CHD2: variants seen among roughly 807,000 people sequenced by gnomAD.
The protein encoded by CHD2 is ATP-dependent chromatin remodeler CHD2.
In CHD2, 28 loss-of-function variants were observed where a neutral mutation model predicts 243.9. The observed-to-expected ratio is 0.11, with a 90% CI of 0.09 to 0.16. The LOEUF (loss-of-function observed/expected upper bound fraction) is 0.16, where lower values mean the gene tolerates loss of function less well. Ranked by LOEUF, CHD2 falls within the 10% of genes least tolerant of loss-of-function variation. The pLI is 1.00. For missense variants in CHD2, 1,386 were observed against 2,209.8 expected (o/e 0.63, Z 7.47); for synonymous variants, 775 against 779.0 (o/e 0.99, Z 0.09).
chr15:92,922,140 G>A (rs958427435), intron 2 of CHD2, among the ~76,000 whole-genome samples: 1 of 152,046 alleles, frequency 6.6e-6, no homozygotes, highest in African/African-American at 2.4e-5. Context: ...TAATCTTTTG[G>A]CCCCCTATGG....
chr15:93,018,283 C>T (rs1233196893), intron 37 of CHD2, among the ~76,000 whole-genome samples: 1 of 152,214 alleles, frequency 6.6e-6, no homozygotes, highest in East Asian at 1.9e-4. Context: ...GTGCTCTCAT[C>T]TGATCTACCC....
Position 92,998,396 on chromosome 15 carries a change from G to A in CHD2, c.3886-103G>A, listed in dbSNP as rs1165025139. 1.3e-6 allele frequency: 2 copies of A among 1,513,700 alleles called. No individual in the cohort carries two copies. The highest frequency in any genetic ancestry group is 1.3e-5 in the South Asian group (1 of 78,452). 93.8% of individuals were successfully genotyped at this position (1,513,700 alleles called of 1,614,324 possible). ...GCTTTATCTATATTTTGGGTGGTTG[G>A]GGAGGGAAAGGACTGTGCTCAGTTT... On this transcript the variant is annotated intron_variant, in intron 30 of 38. Coordinates refer to ENST00000394196, the MANE Select transcript of CHD2 (RefSeq NM_001271.4). The surrounding 1 kb of genome is among the most constrained non-coding windows in gnomAD (Gnocchi z 5.1).
intron 2 of CHD2, among the ~76,000 whole-genome samples, chr15:92,923,256 G>GTT (rs202075892): frequency 6.6e-6 from 1 of 151,730 alleles, no homozygotes; most frequent in Non-Finnish European, 1.5e-5. Context: ...GAGATGCTTT[G>GTT]TTTTTTTTGT....
chr15:92,900,974 T>C (rs2052520866), intron 1 of CHD2, 150 bp downstream of exon 1: 2 of 468,674 alleles, frequency 4.3e-6, no homozygotes, highest in Non-Finnish European at 3.8e-6. Flanking sequence ...AGTTTCCTTA[T>C]TGATAGTGAT....
chr15:93,003,644 A>G (rs966437945), intron 33 of CHD2, among the ~76,000 whole-genome samples: 2 of 150,144 alleles, frequency 1.3e-5, no homozygotes, highest in Non-Finnish European at 1.5e-5. Flanking sequence ...TCATGAACAT[A>G]TGACTGATAC....
At chr15:93,002,434 C>T in intron 33 of CHD2, 117 bp downstream of exon 33, 1 of 1,462,820 alleles carries the variant, frequency 6.8e-7, no homozygotes. Flanking sequence ...TGGGTATGTT[C>T]AAGAAGGATG....
intron 5 of CHD2, among the ~76,000 whole-genome samples, chr15:92,932,835 G>GCA (rs11268912): frequency 6.6e-6 from 1 of 151,846 alleles, no homozygotes; most frequent in Non-Finnish European, 1.5e-5. Context: ...TCAGCTCACT[G>GCA]TGACTCAAGT....
At position 92,942,697 on chromosome 15, in the gene CHD2, G is replaced by C. The variant is rs79123820; in HGVS notation, c.827-146G>C. ...AAATTTTTGATTGAGTCCGTTCTGT[G>C]TTGTTTGTGAGTTTGTACTTATTTC... is the stretch of plus-strand genomic sequence containing the variant. On this transcript the variant is annotated intron_variant, in intron 8 of 38. Transcript: ENST00000394196. 5.8e-3 allele frequency: 3,352 copies of C among 575,788 alleles called. 80 individuals are homozygous for C. The highest frequency in any genetic ancestry group is 0.054 in the African/African-American group (2,902 of 53,370). 35.7% of individuals were successfully genotyped at this position (575,788 alleles called of 1,614,324 possible).
At chr15:92,914,199 A>G (rs527500438) in intron 2 of CHD2, among the ~76,000 whole-genome samples, 2 of 152,324 alleles carry the variant, frequency 1.3e-5, no homozygotes, top group South Asian at 2.1e-4. Context: ...GTGTAAATAC[A>G]TTGCCCGAGG....
chr15:93,002,153 T>G, intron 32 of CHD2, 24 bp from the exon 33 acceptor site: 1 of 1,572,772 alleles, frequency 6.4e-7, no homozygotes, highest in Non-Finnish European at 8.6e-7. Context: ...TAGCAAAAAT[T>G]CATAGCCCTG....
chr15:92,994,773 T>C (rs2054166183), intron 28 of CHD2, among the ~76,000 whole-genome samples: 1 of 152,248 alleles, frequency 6.6e-6, no homozygotes, highest in Non-Finnish European at 1.5e-5. Context: ...TTTTATCTCA[T>C]AGTATCTTGT....
chr15:92,937,275 G>GA lies in CHD2; in HGVS notation c.444-237dup, dbSNP rs11369234. On this transcript the variant is annotated intron_variant, in intron 5 of 38. Coordinates refer to ENST00000394196, the MANE Select transcript of CHD2 (RefSeq NM_001271.4). ...AATCTTGTCAATAAGAGTAGTAAAT[G>GA]AAAAAAGTACATATATATCCATTTT... Among the ~76,000 whole-genome samples the GA allele has an allele frequency of 0.47, 71,982 of 151,840 alleles. 18,064 individuals are homozygous for GA. The highest frequency in any genetic ancestry group is 0.85 in the East Asian group (4,399 of 5,166).
At chr15:92,918,190 C>T (rs2052879947) in intron 2 of CHD2, among the ~76,000 whole-genome samples, 1 of 152,142 alleles carries the variant, frequency 6.6e-6, no homozygotes, top group African/African-American at 2.4e-5. Flanking sequence ...GTTTCAAAGT[C>T]CAGTTCCAAG....
chr15:92,905,052 A>G lies in CHD2; in HGVS notation c.62+3753A>G, dbSNP rs772356497. ...CTATATATTTAAGATTCACAGTGGGATAGTTTAGTAGAAAATAGAAAATTT... is the reference window on the plus strand; with the variant it reads ...CTATATATTTAAGATTCACAGTGGGGTAGTTTAGTAGAAAATAGAAAATTT... On this transcript the variant is annotated intron_variant, in intron 2 of 38. Transcript: ENST00000394196. 5 of 1,481,416 alleles carry G rather than the reference A, an allele frequency of 3.4e-6. No individual in the cohort carries two copies. The East Asian group carries it at 7.4e-5, about 22-fold the overall frequency. The allele number at this position is 1,481,416 out of a possible 1,614,324, so 91.8% of individuals were successfully genotyped here. A position where few individuals can be genotyped will look rare whatever the true frequency, so the allele number is the denominator to read the frequency against.
At chr15:92,972,240 A>G (rs1253943938) in intron 18 of CHD2, 25 bp from the exon 19 acceptor site, 1 of 1,596,240 alleles carries the variant, frequency 6.3e-7, no homozygotes, top group Non-Finnish European at 8.5e-7. Flanking sequence ...CAACATAATT[A>G]TTGGAATGTC....
At chr15:92,907,082 T>C (rs1361797830) in intron 2 of CHD2, among the ~76,000 whole-genome samples, 1 of 152,234 alleles carries the variant, frequency 6.6e-6, no homozygotes, top group African/African-American at 2.4e-5. Context: ...ATTTGTCTTA[T>C]GACCCTTTTC....
At chr15:92,917,734 T>G (rs1302868774) in intron 2 of CHD2, among the ~76,000 whole-genome samples, 1 of 152,342 alleles carries the variant, frequency 6.6e-6, no homozygotes, top group East Asian at 1.9e-4. Context: ...CTAACGCTGA[T>G]AGTTGATAGT....
Position 92,998,935 on chromosome 15 carries a change from T to A in CHD2, c.4008+314T>A, listed in dbSNP as rs550347810. 6.6e-6 allele frequency among the ~76,000 whole-genome samples: 1 copy of A among 151,860 alleles called. No homozygotes were observed. The highest frequency in any genetic ancestry group is 6.5e-5 in the Admixed American group (1 of 15,268). ...CGTCTCTACTAAAAATACAAAAAAATTAGCCGGGCGTGGTGGCACACGCCT... is the reference window on the plus strand; with the variant it reads ...CGTCTCTACTAAAAATACAAAAAAAATAGCCGGGCGTGGTGGCACACGCCT... On this transcript the variant is annotated intron_variant, in intron 31 of 38. Coordinates refer to ENST00000394196, the MANE Select transcript of CHD2 (RefSeq NM_001271.4). The surrounding 1 kb of genome is among the most constrained non-coding windows in gnomAD (Gnocchi z 5.1).
intron 2 of CHD2, among the ~76,000 whole-genome samples, chr15:92,920,614 A>G (rs773349073): frequency 2.0e-5 from 3 of 152,202 alleles, no homozygotes; most frequent in Non-Finnish European, 2.9e-5. Context: ...TCTAGTTGGT[A>G]AAGATTTTCA....
Sources: gnomAD v4.1 joint callset for allele counts (sites outside exome capture counted in the v4.1 genomes callset) on GRCh38, gnomAD v4.1.1 for gene constraint, Gnocchi (gnomAD v3.1) non-coding constraint, MANE v1.5 for transcripts, NCBI Gene and HGNC (gene_info 2026-07-23, HGNC 2026-07-21) for gene names.